The following NYAP2 variants were observed in gnomAD, a reference collection of about 807,000 sequenced individuals.
The protein encoded by NYAP2 is neuronal tyrosine-phosphorylated phosphoinositide-3-kinase adapter 2.
NYAP2 carries 23 observed loss-of-function variants against 50.4 expected under a neutral mutation model. The observed-to-expected ratio is 0.46, with a 90% confidence interval of 0.33 to 0.65. The LOEUF (loss-of-function observed/expected upper bound fraction) is 0.65, where lower values mean the gene tolerates loss of function less well. Ranked by LOEUF, NYAP2 falls within the 30% of genes least tolerant of loss-of-function variation. The pLI is 0.02. For missense variants in NYAP2, 885 were observed against 861.0 expected (o/e 1.03, Z -0.35); for synonymous variants, 394 against 365.2 (o/e 1.08, Z -0.90).
At chr2:225,428,128 T>C (rs984301445) in intron 3 of NYAP2, among the ~76,000 whole-genome samples, 1 of 152,172 alleles carries the variant, frequency 6.6e-6, no homozygotes, top group Non-Finnish European at 1.5e-5. Flanking sequence ...TACGAGAGAG[T>C]AGGTCCCTGG....
At chr2:225,686,291 T>A in the NYAP2 span, among the ~76,000 whole-genome samples, 1 of 152,320 alleles carries the variant, frequency 6.6e-6, no homozygotes, top group South Asian at 2.1e-4. Flanking sequence ...TTTTCTAGAT[T>A]TTGAAATTTC....
chr2:225,546,648 A>G (rs1691590030), intron 4 of NYAP2, among the ~76,000 whole-genome samples: 1 of 152,068 alleles, frequency 6.6e-6, no homozygotes, highest in Admixed American at 6.6e-5. Context: ...GCCCAGAATC[A>G]GGGACCCCAG....
chr2:225,494,893 A>T lies in NYAP2; in HGVS notation c.222-18478A>T, dbSNP rs187263720. On this transcript the variant is annotated intron_variant, in intron 3 of 6. Transcript: ENST00000636099. ...ATTTCACAAGAATGTTCAATATAAGATATAAAAAACTATAGAGTTTATGTC... is the reference window on the plus strand; with the variant it reads ...ATTTCACAAGAATGTTCAATATAAGTTATAAAAAACTATAGAGTTTATGTC... Among the ~76,000 whole-genome samples the T allele has an allele frequency of 3.3e-5, 5 of 152,230 alleles. No homozygotes were observed. The East Asian group carries it at 9.7e-4, about 29-fold the overall frequency.
chr2:225,572,062 C>G (rs1692081900), intron 4 of NYAP2, among the ~76,000 whole-genome samples: 1 of 152,248 alleles, frequency 6.6e-6, no homozygotes, highest in Non-Finnish European at 1.5e-5. Context: ...AGAAGTTCCT[C>G]ATCTCCAACT....
chr2:225,511,361 CACACACACACACAG>C (rs1462023855), intron 3 of NYAP2, among the ~76,000 whole-genome samples: 7 of 143,110 alleles, frequency 4.9e-5, no homozygotes, highest in East Asian at 2.0e-4. Context: ...CACACACACA[CACACACACACACAG>C]AGAGAGAGAG....
intron 5 of NYAP2, among the ~76,000 whole-genome samples, chr2:225,614,008 G>A (rs1306829052): frequency 6.6e-6 from 1 of 152,120 alleles, no homozygotes; most frequent in East Asian, 1.9e-4. Context: ...TGGTGTCATA[G>A]AAGTATACAA....
At chr2:225,514,368 T>G (rs1253024450) in intron 4 of NYAP2, among the ~76,000 whole-genome samples, 1 of 152,236 alleles carries the variant, frequency 6.6e-6, no homozygotes, top group Non-Finnish European at 1.5e-5. Flanking sequence ...TAGCCTTAAG[T>G]GTGCCTTGAC....
chr2:225,522,849 G>T (rs550559388), intron 4 of NYAP2, among the ~76,000 whole-genome samples: 1 of 152,108 alleles, frequency 6.6e-6, no homozygotes, highest in Non-Finnish European at 1.5e-5. Context: ...TCATGTAATC[G>T]GGTGTTTATC....
At chr2:225,540,813 T>C (rs1691452983) in intron 4 of NYAP2, among the ~76,000 whole-genome samples, 1 of 152,324 alleles carries the variant, frequency 6.6e-6, no homozygotes, top group South Asian at 2.1e-4. Flanking sequence ...AGTTGTGGGA[T>C]TATTGGAACA....
At chr2:225,495,492 T>G (rs922484070) in intron 3 of NYAP2, among the ~76,000 whole-genome samples, 3 of 152,204 alleles carry the variant, frequency 2.0e-5, no homozygotes, top group African/African-American at 7.2e-5. Context: ...TCACTCTGTT[T>G]TCTTTGTAGC....
At chr2:225,624,116 G>A (rs1574715932) in intron 5 of NYAP2, among the ~76,000 whole-genome samples, 1 of 152,188 alleles carries the variant, frequency 6.6e-6, no homozygotes, top group Non-Finnish European at 1.5e-5. Context: ...TATTCTATAT[G>A]TTATTTATTT....
Position 225,571,025 on chromosome 2 carries a change from G to A in NYAP2, c.524-10916G>A, listed in dbSNP as rs368123657. Reference sequence around the variant, plus strand: ...CCCCATGCAAGTCCAAAATCCAATAGGGTAGTCATTAAATCTTAAAGTTCC... The same window carrying A: ...CCCCATGCAAGTCCAAAATCCAATAAGGTAGTCATTAAATCTTAAAGTTCC... On this transcript the variant is annotated intron_variant, in intron 4 of 6. Coordinates refer to ENST00000636099, the Ensembl canonical transcript of NYAP2. 8.5e-5 allele frequency among the ~76,000 whole-genome samples: 13 copies of A among 152,332 alleles called. No individual in the cohort carries two copies. The East Asian group carries it at 2.3e-3, about 27-fold the overall frequency.
intron 3 of NYAP2, among the ~76,000 whole-genome samples, chr2:225,416,897 G>A (rs1695133136): frequency 6.6e-6 from 1 of 152,150 alleles, no homozygotes; most frequent in African/African-American, 2.4e-5. Context: ...AAATTGCAGT[G>A]AAGAGTGGAC....
intron 3 of NYAP2, among the ~76,000 whole-genome samples, chr2:225,485,159 G>A (rs1318440935): frequency 6.6e-6 from 1 of 152,192 alleles, no homozygotes; most frequent in African/African-American, 2.4e-5. Flanking sequence ...CCCCCATACT[G>A]TTCTCTCGTG....
chr2:225,489,125 T>C (rs1377598859), intron 3 of NYAP2, among the ~76,000 whole-genome samples: 1 of 152,212 alleles, frequency 6.6e-6, no homozygotes, highest in African/African-American at 2.4e-5. Flanking sequence ...ATCGTACTTA[T>C]ATTTTTGTAA....
intron 5 of NYAP2, among the ~76,000 whole-genome samples, chr2:225,589,688 C>T (rs954320759): frequency 6.6e-6 from 1 of 151,466 alleles, no homozygotes; most frequent in Non-Finnish European, 1.5e-5. Context: ...GAGCAAGACC[C>T]TGTCTTAAAA....
At chr2:225,402,624 T>C (rs1694881274) in intron 2 of NYAP2, among the ~76,000 whole-genome samples, 1 of 152,048 alleles carries the variant, frequency 6.6e-6, no homozygotes, top group African/African-American at 2.4e-5. Context: ...GGAAGAGAGA[T>C]AGTGGAGAAA....
rs1475389115 is a variant in NYAP2 at position 225,428,121 on chromosome 2, G to A, written c.221+19020G>A. On this transcript the variant is annotated intron_variant, in intron 3 of 6. Coordinates refer to ENST00000636099, the Ensembl canonical transcript of NYAP2. ...TTTGAAAGATATCTGAACTCTGTAC[G>A]AGAGAGTAGGTCCCTGGGCTGACCT... is the stretch of plus-strand genomic sequence containing the variant. Among the ~76,000 whole-genome samples the A allele has an allele frequency of 2.0e-5, 3 of 152,152 alleles. No individual in the cohort carries two copies. In the East Asian group the frequency reaches 5.8e-4, roughly 29 times the overall value.
chr2:225,610,028 T>G (rs1339188199), intron 5 of NYAP2, among the ~76,000 whole-genome samples: 1 of 152,174 alleles, frequency 6.6e-6, no homozygotes, highest in Non-Finnish European at 1.5e-5. Flanking sequence ...ATGAAGATTA[T>G]GTAGTTGCCT....
Sources: allele counts gnomAD v4.1 joint callset (sites outside exome capture counted in the v4.1 genomes callset), GRCh38; gene constraint gnomAD v4.1.1; transcripts MANE v1.5; gene names NCBI Gene and HGNC (gene_info 2026-07-23, HGNC 2026-07-21).